The following SGCZ variants were observed in gnomAD, a reference collection of about 807,000 sequenced individuals.
The protein encoded by SGCZ is sarcoglycan zeta, also known as zeta-sarcoglycan.
A neutral mutation model predicts 41.3 loss-of-function variants in SGCZ; 40 were observed. The ratio of observed to expected loss-of-function variants is 0.97; its 90% CI spans 0.75 to 1.26. The LOEUF is 1.26. Among genes scored for constraint, SGCZ ranks in the 50% most tolerant of loss-of-function variants. SGCZ has a pLI of 0.00. For missense variants in SGCZ, 552 were observed against 369.8 expected (o/e 1.49, Z -4.04); for synonymous variants, 206 against 137.5 (o/e 1.50, Z -3.49).
At chr8:14,475,682 T>C (rs914455628) in intron 2 of SGCZ, among the ~76,000 whole-genome samples, 2 of 152,144 alleles carry the variant, frequency 1.3e-5, no homozygotes, top group African/African-American at 2.4e-5. Context: ...TTAATGAGGG[T>C]CTTACAGCTA....
chr8:14,242,887 T>C lies in SGCZ; in HGVS notation c.337-5208A>G, dbSNP rs191540557. ...AAACCAATATAAAAAAAATAGGAAA[T>C]TGAATTCAACAAAACATACTTTAAA... On this transcript the variant is annotated intron_variant, in intron 3 of 7. Coordinates refer to ENST00000382080, the MANE Select transcript of SGCZ (RefSeq NM_139167.4). Among the ~76,000 whole-genome samples the C allele has an allele frequency of 1.6e-3, 237 of 152,242 alleles. 1 individual carries two copies. The highest frequency in any genetic ancestry group is 5.2e-3 in the African/African-American group (218 of 41,562).
At chr8:14,842,088 C>A (rs1421626864) in intron 1 of SGCZ, among the ~76,000 whole-genome samples, 5 of 152,092 alleles carry the variant, frequency 3.3e-5, no homozygotes, top group African/African-American at 1.2e-4. Context: ...GATGATAAAA[C>A]AAAACAGAAA....
chr8:14,947,718 T>C (rs1168277150), intron 1 of SGCZ, among the ~76,000 whole-genome samples: 2 of 152,226 alleles, frequency 1.3e-5, no homozygotes. Flanking sequence ...AAGAAAAGCA[T>C]TAAATATGAT....
In SGCZ at chr8:15,099,297, T is replaced by C. The variant is rs551607800; in HGVS notation, c.39+138288A>G. Among the ~76,000 whole-genome samples the C allele has an allele frequency of 2.6e-5, 4 of 152,146 alleles. No homozygotes were observed. In the East Asian group the frequency reaches 7.8e-4, roughly 29 times the overall value. ...AAAAAATACTAAAATGGAAATTACA[T>C]CAGAAATAAACAAGGGGCTGGGCCA... On this transcript the variant is annotated intron_variant, in intron 1 of 7. Coordinates refer to ENST00000382080, the MANE Select transcript of SGCZ (RefSeq NM_139167.4).
chr8:14,821,648 G>C (rs562814294), intron 1 of SGCZ, among the ~76,000 whole-genome samples: 1 of 151,976 alleles, frequency 6.6e-6, no homozygotes, highest in Admixed American at 6.6e-5. Flanking sequence ...TATGATGCAA[G>C]AATGTCTTAA....
intron 1 of SGCZ, among the ~76,000 whole-genome samples, chr8:14,637,285 C>A (rs760238778): frequency 1.3e-4 from 20 of 150,768 alleles, no homozygotes; most frequent in Non-Finnish European, 2.1e-4. Context: ...TAAAACTGTC[C>A]TCTCCTTTTC....
At chr8:14,563,430 A>C (rs749311891) in intron 1 of SGCZ, among the ~76,000 whole-genome samples, 10 of 152,218 alleles carry the variant, frequency 6.6e-5, no homozygotes, top group Non-Finnish European at 1.5e-5. Context: ...AAAAGTCGTT[A>C]AGGAAATGTA....
At chr8:14,244,910 A>T (rs1320352712) in intron 3 of SGCZ, among the ~76,000 whole-genome samples, 1 of 151,950 alleles carries the variant, frequency 6.6e-6, no homozygotes, top group Non-Finnish European at 1.5e-5. Context: ...TTATTGGTGT[A>T]TAAGAATGCT....
intron 1 of SGCZ, among the ~76,000 whole-genome samples, chr8:14,999,937 T>C (rs1802354711): frequency 6.6e-6 from 1 of 152,176 alleles, no homozygotes; most frequent in Admixed American, 6.5e-5. Context: ...GAATGCCTTC[T>C]TCCGCCTACA....
intron 1 of SGCZ, among the ~76,000 whole-genome samples, chr8:14,792,498 T>C (rs1401348669): frequency 6.6e-6 from 1 of 152,168 alleles, no homozygotes; most frequent in East Asian, 1.9e-4. Flanking sequence ...AATCTTCAAA[T>C]TGTAAAATCC....
intron 1 of SGCZ, among the ~76,000 whole-genome samples, chr8:14,864,186 C>G (rs889655171): frequency 6.6e-6 from 1 of 152,148 alleles, no homozygotes. Context: ...TCTACGTATT[C>G]TACTGTGCTC....
intron 7 of SGCZ, among the ~76,000 whole-genome samples, chr8:14,093,511 A>T (rs888601895): frequency 6.6e-6 from 1 of 152,080 alleles, no homozygotes; most frequent in Admixed American, 6.6e-5. Flanking sequence ...AAAAATAGCA[A>T]AAGCACTATG....
At chr8:14,815,330 GATAAA>G (rs943998613) in intron 1 of SGCZ, among the ~76,000 whole-genome samples, 4 of 149,780 alleles carry the variant, frequency 2.7e-5, no homozygotes, top group African/African-American at 9.8e-5. Flanking sequence ...GCGGAAAGTT[GATAAA>G]ATAAAATTAA....
At chr8:14,370,045 G>T (rs1018085444) in intron 2 of SGCZ, among the ~76,000 whole-genome samples, 10 of 151,976 alleles carry the variant, frequency 6.6e-5, no homozygotes, top group African/African-American at 2.2e-4. Flanking sequence ...ACTCTTTAAA[G>T]ATCTACTTAC....
In SGCZ at chr8:15,121,900, C is replaced by CAAAA. The variant is rs55783598; in HGVS notation, c.39+115681_39+115684dup. ...CATGGGCTTTCTTTTCGGCAGTTAC[C>CAAAA]AAAAAAAAAAAAAAAAATAGATATG... is the stretch of plus-strand genomic sequence containing the variant. On this transcript the variant is annotated intron_variant, in intron 1 of 7. Transcript: ENST00000382080. Among the ~76,000 whole-genome samples the CAAAA allele has an allele frequency of 1.1e-3, 136 of 126,296 alleles. 2 individuals are homozygous for CAAAA. The highest frequency in any genetic ancestry group is 3.8e-3 in the African/African-American group (123 of 32,358). 82.9% of individuals were successfully genotyped at this position (126,296 alleles called of 152,430 possible).
intron 1 of SGCZ, among the ~76,000 whole-genome samples, chr8:14,725,338 G>A (rs567793970): frequency 8.6e-4 from 130 of 152,024 alleles, no homozygotes; most frequent in Middle Eastern, 3.4e-3. Flanking sequence ...TTCTTTCTTT[G>A]GATATATACC....
At chr8:14,494,003 T>C (rs79168295) in intron 2 of SGCZ, among the ~76,000 whole-genome samples, 2,152 of 152,206 alleles carry the variant, frequency 0.014, 23 homozygotes, top group Non-Finnish European at 0.022. Context: ...CTGTCACAAG[T>C]GGAAGGACAA....
intron 2 of SGCZ, among the ~76,000 whole-genome samples, chr8:14,483,827 T>G (rs1801600487): frequency 1.3e-5 from 2 of 152,200 alleles, no homozygotes. Context: ...TATTTTATTT[T>G]CAGTTTAGCC....
intron 1 of SGCZ, among the ~76,000 whole-genome samples, chr8:15,036,941 C>T (rs551779809): frequency 1.9e-4 from 29 of 151,952 alleles, no homozygotes; most frequent in Admixed American, 3.3e-4. Flanking sequence ...GAATAATATA[C>T]GAAAATCTTT....
Sources: allele counts gnomAD v4.1 joint callset (sites outside exome capture counted in the v4.1 genomes callset), GRCh38; gene constraint gnomAD v4.1.1; transcripts MANE v1.5; gene names NCBI Gene and HGNC (gene_info 2026-07-23, HGNC 2026-07-21).